The following LSAMP variants were observed in gnomAD, a reference collection of about 807,000 sequenced individuals.
LSAMP encodes the protein limbic system associated membrane protein.
Under a neutral mutation model 38.6 loss-of-function variants are expected in LSAMP, and 7 were observed. The observed-to-expected ratio is 0.18, with a 90% CI of 0.10 to 0.34. The LOEUF (loss-of-function observed/expected upper bound fraction) is 0.34. LSAMP is among the 10% of genes least tolerant of loss of function. LSAMP has a pLI of 1.00. For synonymous variants in LSAMP, 154 were observed against 166.8 expected, an observed-to-expected ratio of 0.92 and a Z score of 0.59; for missense variants, 313 against 420.0, an observed-to-expected ratio of 0.75 and a Z score of 2.23.
chr3:116,445,339 T>G lies in LSAMP; in HGVS notation c.-308A>C. Reference sequence around the variant, plus strand: ...AGAGGAAGCCAAAGGAAAGGGTTCTTGTTTGGTCTCTCTGTGACTGGATGC... The same window carrying G: ...AGAGGAAGCCAAAGGAAAGGGTTCTGGTTTGGTCTCTCTGTGACTGGATGC... On this transcript the variant is annotated 5_prime_UTR_variant, in exon 1 of 7. Coordinates refer to ENST00000490035, the MANE Select transcript of LSAMP (RefSeq NM_002338.5). 1.8e-6 allele frequency: 1 copy of G among 560,932 alleles called. No homozygotes were observed. The highest frequency in any genetic ancestry group is 2.5e-5 in the South Asian group (1 of 40,162). The allele number at this position is 560,932 out of a possible 1,614,324, so 34.7% of individuals were successfully genotyped here.
chr3:116,432,503 G>A (rs2107874322), intron 1 of LSAMP, among the ~76,000 whole-genome samples: 2 of 151,740 alleles, frequency 1.3e-5, no homozygotes, highest in Admixed American at 1.3e-4. Flanking sequence ...ATGCAAGAAT[G>A]AAGGCATTAA....
rs1933625921 is a variant in LSAMP, at chr3:115,806,185, A to G, written c.*4132T>C. On this transcript the variant is annotated 3_prime_UTR_variant, in exon 7 of 7. Coordinates refer to ENST00000490035, the MANE Select transcript of LSAMP (RefSeq NM_002338.5). The stretch of plus-strand genomic sequence containing the variant: ...TACAAAACGGAAAAAGTGGGGCTCT[A>G]TGTCTTTCTACGTGAGCATAGATTT... 1 of 152,208 alleles carries G rather than the reference A, an allele frequency of 6.6e-6. No homozygotes were observed. 9.4% of individuals were successfully genotyped at this position (152,208 alleles called of 1,614,324 possible).
intron 4 of LSAMP, among the ~76,000 whole-genome samples, chr3:115,845,820 C>T (rs1935140547): frequency 6.6e-6 from 1 of 152,232 alleles, no homozygotes; most frequent in South Asian, 2.1e-4. Flanking sequence ...ATTAGCCCCT[C>T]AGAGACCCCA....
At chr3:115,885,540 G>A (rs761420215) in intron 3 of LSAMP, among the ~76,000 whole-genome samples, 3 of 149,392 alleles carry the variant, frequency 2.0e-5, no homozygotes, top group Non-Finnish European at 4.4e-5. Context: ...TTTAATATCA[G>A]CTAAAGTCTT....
chr3:116,314,677 T>C (rs2107721452), intron 1 of LSAMP, among the ~76,000 whole-genome samples: 1 of 152,276 alleles, frequency 6.6e-6, no homozygotes, highest in South Asian at 2.1e-4. Flanking sequence ...TACTTAGAGC[T>C]CCCCTGCCTG....
intron 3 of LSAMP, among the ~76,000 whole-genome samples, chr3:115,884,613 C>T (rs902964184): frequency 2.6e-5 from 4 of 151,782 alleles, no homozygotes; most frequent in African/African-American, 9.7e-5. Flanking sequence ...ACGGAGGGCT[C>T]GCAGATGGCA....
chr3:115,993,113 T>G (rs1205610047), intron 3 of LSAMP, among the ~76,000 whole-genome samples: 1 of 152,146 alleles, frequency 6.6e-6, no homozygotes, highest in Non-Finnish European at 1.5e-5. Flanking sequence ...ATACTCTACA[T>G]GGTTAGTATT....
chr3:116,017,869 C>T (rs1392599734), intron 3 of LSAMP, among the ~76,000 whole-genome samples: 1 of 152,008 alleles, frequency 6.6e-6, no homozygotes, highest in East Asian at 1.9e-4. Flanking sequence ...TTTATAATAT[C>T]CTTAAATATG....
At chr3:116,434,047 T>A (rs1225811241) in intron 1 of LSAMP, among the ~76,000 whole-genome samples, 2 of 152,188 alleles carry the variant, frequency 1.3e-5, no homozygotes, top group Admixed American at 1.3e-4. Flanking sequence ...ATATTGAAGG[T>A]ATTTCTAACC....
At chr3:116,387,747 T>C (rs1277345249) in intron 1 of LSAMP, among the ~76,000 whole-genome samples, 1 of 152,136 alleles carries the variant, frequency 6.6e-6, no homozygotes, top group South Asian at 2.1e-4. Flanking sequence ...TGCCACATCA[T>C]ACATGCATAT....
At chr3:115,941,986 A>G in intron 3 of LSAMP, among the ~76,000 whole-genome samples, 1 of 151,686 alleles carries the variant, frequency 6.6e-6, no homozygotes, top group East Asian at 1.9e-4. Flanking sequence ...ATCTTTGTCA[A>G]TTAGATATTT....
chr3:116,441,815 T>C (rs994398936), intron 1 of LSAMP, among the ~76,000 whole-genome samples: 15 of 152,164 alleles, frequency 9.9e-5, no homozygotes, highest in African/African-American at 3.4e-4. Flanking sequence ...TAAATGCAGA[T>C]TCTGGTTGTT....
intron 1 of LSAMP, among the ~76,000 whole-genome samples, chr3:116,226,584 G>C (rs1667351545): frequency 6.6e-6 from 1 of 152,206 alleles, no homozygotes; most frequent in Non-Finnish European, 1.5e-5. Flanking sequence ...TCTGGAATCA[G>C]TGTCATTTAA....
chr3:116,421,547 A>AC (rs139519932), intron 1 of LSAMP, among the ~76,000 whole-genome samples: 6,640 of 145,192 alleles, frequency 0.046, 203 homozygotes, highest in Non-Finnish European at 0.069. Flanking sequence ...TCTGTCTAAA[A>AC]AAAAAAAAGA....
chr3:116,221,844 AGTGTGTGTGTGTGTGTGT>A (rs58596077), intron 1 of LSAMP, among the ~76,000 whole-genome samples: 2 of 145,368 alleles, frequency 1.4e-5, no homozygotes, highest in African/African-American at 5.1e-5. Context: ...CCTAAAAAGA[AGTGTGTGTGTGTGTGTGT>A]GTGTGTGTGT....
At chr3:116,043,015 AT>A (rs1233131663) in intron 2 of LSAMP, among the ~76,000 whole-genome samples, 1 of 152,126 alleles carries the variant, frequency 6.6e-6, no homozygotes, top group Non-Finnish European at 1.5e-5. Context: ...AAGTATTGAA[AT>A]TTTGGGCTAG....
At chr3:115,949,670 T>C (rs1938218688) in intron 3 of LSAMP, among the ~76,000 whole-genome samples, 1 of 151,908 alleles carries the variant, frequency 6.6e-6, no homozygotes, top group Non-Finnish European at 1.5e-5. Flanking sequence ...GAAGAATTAA[T>C]ACTAATTTCA....
At chr3:116,379,688 A>AT (rs1164224618) in intron 1 of LSAMP, among the ~76,000 whole-genome samples, 1 of 151,986 alleles carries the variant, frequency 6.6e-6, no homozygotes, top group Admixed American at 6.6e-5. Flanking sequence ...AGAAGAAAAA[A>AT]ATATATATAT....
chr3:116,121,376 G>A (rs1475100430), intron 1 of LSAMP, among the ~76,000 whole-genome samples: 1 of 151,648 alleles, frequency 6.6e-6, no homozygotes, highest in African/African-American at 2.4e-5. Context: ...TAAGTTCCTA[G>A]CGGAGTATAG....
Sources: gnomAD v4.1 joint callset for allele counts (sites outside exome capture counted in the v4.1 genomes callset) on GRCh38, gnomAD v4.1.1 for gene constraint, MANE v1.5 for transcripts, NCBI Gene and HGNC (gene_info 2026-07-23, HGNC 2026-07-21) for gene names.